PRR16: variants seen among roughly 807,000 people sequenced by gnomAD.
PRR16 encodes proline rich 16.
A neutral mutation model predicts 18.2 loss-of-function variants in PRR16; 6 were observed. The ratio of observed to expected loss-of-function variants is 0.33; its 90% CI spans 0.18 to 0.65. The LOEUF is 0.65. PRR16 is among the 30% of genes least tolerant of loss of function. PRR16 has a pLI of 0.74. For missense variants in PRR16, 412 were observed against 376.6 expected (o/e 1.09, Z -0.78); for synonymous variants, 151 against 147.8 (o/e 1.02, Z -0.16).
chr5:120,485,464 T>C (rs960856211), intron 1 of PRR16, among the ~76,000 whole-genome samples: 1 of 152,184 alleles, frequency 6.6e-6, no homozygotes, highest in African/African-American at 2.4e-5. Flanking sequence ...TAAGCAGACA[T>C]TGACGTGATT....
At chr5:120,785,150 C>G in the PRR16 span, among the ~76,000 whole-genome samples, 11 of 151,980 alleles carry the variant, frequency 7.2e-5, no homozygotes, top group Non-Finnish European at 1.2e-4. Context: ...ATATCATAAA[C>G]AAAGCTTGCC....
the PRR16 span, among the ~76,000 whole-genome samples, chr5:120,702,731 G>C: frequency 6.6e-6 from 1 of 152,190 alleles, no homozygotes; most frequent in Non-Finnish European, 1.5e-5. Flanking sequence ...TAAGAGAAGG[G>C]AGAGGTTGAA....
chr5:120,464,657 AG>A lies in PRR16; in HGVS notation c.159+16del, dbSNP rs1749016641. 6.5e-7 allele frequency: 1 copy of A among 1,543,004 alleles called. No individual in the cohort carries two copies. The highest frequency in any genetic ancestry group is 1.9e-5 in the Admixed American group (1 of 51,878). On this transcript the variant is annotated intron_variant, in intron 1 of 1. Coordinates refer to ENST00000407149, the MANE Select transcript of PRR16 (RefSeq NM_001300783.2). ...AGGAACTTAAGGAGGTGAGAGGCGC[AG>A]GGGTGGGGAGGGAGTTCGGCACCCT...
intron 1 of PRR16, among the ~76,000 whole-genome samples, chr5:120,533,546 A>G (rs1751619005): frequency 6.6e-6 from 1 of 152,174 alleles, no homozygotes; most frequent in Non-Finnish European, 1.5e-5. Flanking sequence ...ATGATACTTG[A>G]ACAAAGATTT....
rs1752561740 is a variant in PRR16 at position 120,561,117 on chromosome 5, T to C, written c.159+96472T>C. ...GTTTTCTTTGTTTTAATTTTATTTA[T>C]TTATACTCTGATCTTCATTATTCCT... On this transcript the variant is annotated intron_variant, in intron 1 of 1. Coordinates refer to ENST00000407149, the MANE Select transcript of PRR16 (RefSeq NM_001300783.2). Among the ~76,000 whole-genome samples the C allele has an allele frequency of 2.6e-5, 4 of 152,118 alleles. No individual in the cohort carries two copies. In the South Asian group the frequency reaches 8.3e-4, roughly 32 times the overall value.
At chr5:120,782,491 G>C in the PRR16 span, among the ~76,000 whole-genome samples, 1 of 152,126 alleles carries the variant, frequency 6.6e-6, no homozygotes, top group Non-Finnish European at 1.5e-5. Context: ...TCCCCTCGGG[G>C]TTGGTTCCAC....
chr5:120,573,868 G>T (rs779475504), intron 1 of PRR16, among the ~76,000 whole-genome samples: 5 of 146,076 alleles, frequency 3.4e-5, no homozygotes, highest in Non-Finnish European at 7.5e-5. Flanking sequence ...GAATTTATAT[G>T]GTATGTGTAT....
intron 1 of PRR16, among the ~76,000 whole-genome samples, chr5:120,484,425 A>G (rs1036331819): frequency 2.1e-5 from 3 of 145,642 alleles, no homozygotes; most frequent in African/African-American, 7.4e-5. Context: ...ATTCTTATAT[A>G]TAATATATAC....
chr5:120,595,110 A>T (rs576474361), intron 1 of PRR16, among the ~76,000 whole-genome samples: 28 of 152,300 alleles, frequency 1.8e-4, no homozygotes, highest in African/African-American at 5.3e-4. Flanking sequence ...AAAAATTGAC[A>T]AATGGGATCT....
At chr5:120,666,399 T>C (rs1756377850) in intron 1 of PRR16, among the ~76,000 whole-genome samples, 1 of 152,078 alleles carries the variant, frequency 6.6e-6, no homozygotes, top group South Asian at 2.1e-4. Context: ...TCATGTCATC[T>C]GCAAACAGGG....
At chr5:120,575,344 C>CACACACACACACACAG (rs1029239106) in intron 1 of PRR16, among the ~76,000 whole-genome samples, 1 of 151,172 alleles carries the variant, frequency 6.6e-6, no homozygotes, top group African/African-American at 2.4e-5. Flanking sequence ...CACACACACA[C>CACACACACACACACAG]ACACACACAC....
chr5:120,707,645 A>C, the PRR16 span, among the ~76,000 whole-genome samples: 1 of 152,208 alleles, frequency 6.6e-6, no homozygotes, highest in African/African-American at 2.4e-5. Context: ...TAGGATATTT[A>C]TGACATAGCT....
rs77016475 is a variant in PRR16, at chr5:120,507,966, T to G, written c.159+43321T>G. Reference sequence around the variant, plus strand: ...CCACTATTTATTCCCTCCTTCTTCCTTAACATCAGAACCTCACTTTGGTTT... The same window carrying G: ...CCACTATTTATTCCCTCCTTCTTCCGTAACATCAGAACCTCACTTTGGTTT... On this transcript the variant is annotated intron_variant, in intron 1 of 1. Transcript: ENST00000407149. 8.9e-3 allele frequency among the ~76,000 whole-genome samples: 1,355 copies of G among 152,230 alleles called. 20 individuals carry two copies. Among genetic ancestry groups the G allele is most frequent in the African/African-American group, 0.031 (1,277 of 41,564 alleles).
rs74875256 is a variant in PRR16 at position 120,502,617 on chromosome 5, G to C, written c.159+37972G>C. The stretch of plus-strand genomic sequence containing the variant: ...CAAGGCCATCTACTGTGGGAATTCA[G>C]AGGTCTTGGTTTAGATTCTAGCCCT... On this transcript the variant is annotated intron_variant, in intron 1 of 1. Transcript: ENST00000407149. 4.9e-3 allele frequency among the ~76,000 whole-genome samples: 753 copies of C among 152,258 alleles called. 12 individuals carry two copies. Among genetic ancestry groups the C allele is most frequent in the African/African-American group, 0.017 (716 of 41,560 alleles).
chr5:120,714,428 A>ATT, the PRR16 span, among the ~76,000 whole-genome samples: 2 of 152,156 alleles, frequency 1.3e-5, no homozygotes, highest in Non-Finnish European at 2.9e-5. Flanking sequence ...GCAAATCAAA[A>ATT]CCACAATGAG....
chr5:120,720,946 A>T, the PRR16 span, among the ~76,000 whole-genome samples: 2 of 152,038 alleles, frequency 1.3e-5, no homozygotes, highest in Non-Finnish European at 2.9e-5. Flanking sequence ...AACTATGGTA[A>T]TCTTTCAATG....
intron 1 of PRR16, among the ~76,000 whole-genome samples, chr5:120,575,339 A>ACT (rs1753039870): frequency 6.6e-6 from 1 of 151,496 alleles, no homozygotes; most frequent in African/African-American, 2.4e-5. Flanking sequence ...ACACACACAC[A>ACT]CACACACACA....
intron 1 of PRR16, among the ~76,000 whole-genome samples, chr5:120,653,394 A>AT (rs1755858890): frequency 6.6e-6 from 1 of 152,036 alleles, no homozygotes; most frequent in African/African-American, 2.4e-5. Flanking sequence ...GTGTAAAATG[A>AT]TTTTTTAAAA....
chr5:120,562,668 A>C (rs1393504923), intron 1 of PRR16, among the ~76,000 whole-genome samples: 2 of 152,034 alleles, frequency 1.3e-5, no homozygotes, highest in African/African-American at 2.4e-5. Context: ...ATCTGAGGTT[A>C]CTGTGAGTCT....
Sources: gnomAD v4.1 joint callset for allele counts (sites outside exome capture counted in the v4.1 genomes callset) on GRCh38, gnomAD v4.1.1 for gene constraint, MANE v1.5 for transcripts, NCBI Gene and HGNC (gene_info 2026-07-23, HGNC 2026-07-21) for gene names.